The following WWOX variants were observed in gnomAD, a reference collection of about 807,000 sequenced individuals.
WWOX encodes the protein WW domain-containing oxidoreductase.
Under a neutral mutation model 46.2 loss-of-function variants are expected in WWOX, and 69 were observed. The observed-to-expected ratio is 1.49, with a 90% CI of 1.23 to 1.82. The LOEUF (loss-of-function observed/expected upper bound fraction) is 1.82, where lower values mean the gene tolerates loss of function less well. Ranked by LOEUF, WWOX falls within the 40% of genes most tolerant of loss-of-function variation. The probability of loss-of-function intolerance (pLI) is 0.00; values close to 1 mark genes in which losing one functional copy is unlikely to be tolerated. For missense variants in WWOX, 919 were observed against 542.6 expected (o/e 1.69, Z -6.89); for synonymous variants, 359 against 202.6 (o/e 1.77, Z -6.56).
chr16:78,783,776 ATGG>A (rs766313057), intron 8 of WWOX, among the ~76,000 whole-genome samples: 125 of 151,992 alleles, frequency 8.2e-4, no homozygotes, highest in African/African-American at 2.8e-3. Flanking sequence ...GATAATGCTG[ATGG>A]TGGTGATGGT....
intron 8 of WWOX, among the ~76,000 whole-genome samples, chr16:78,922,779 C>T (rs1018857116): frequency 6.6e-6 from 1 of 152,136 alleles, no homozygotes; most frequent in Admixed American, 6.5e-5. Flanking sequence ...TCACTCAAAC[C>T]ATAAAGCTCA....
chr16:78,621,592 C>CTTTTCTTTTTTTTTTTTT (rs2046184654), intron 8 of WWOX, among the ~76,000 whole-genome samples: 2 of 31,512 alleles, frequency 6.3e-5, no homozygotes, highest in African/African-American at 1.3e-4. Context: ...TTGTTCTAAT[C>CTTTTCTTTTTTTTTTTTT]TTTTTTTTTT....
At chr16:78,953,553 G>A (rs947110785) in intron 8 of WWOX, among the ~76,000 whole-genome samples, 7 of 152,114 alleles carry the variant, frequency 4.6e-5, no homozygotes, top group Non-Finnish European at 1.0e-4. Context: ...CAGAGTCATT[G>A]CCCCAGGGGA....
At chr16:78,509,859 A>G (rs2085314399) in intron 8 of WWOX, among the ~76,000 whole-genome samples, 1 of 151,742 alleles carries the variant, frequency 6.6e-6, no homozygotes, top group African/African-American at 2.4e-5. Flanking sequence ...AGGCCGAGGC[A>G]GGAGGATCAC....
chr16:78,761,078 C>T (rs1482963078), intron 8 of WWOX, among the ~76,000 whole-genome samples: 1 of 152,172 alleles, frequency 6.6e-6, no homozygotes, highest in African/African-American at 2.4e-5. Context: ...ATTATGGGAG[C>T]TACAATTCAA....
At chr16:78,268,998 A>T (rs958894764) in intron 5 of WWOX, 1 of 152,096 alleles carries the variant, frequency 6.6e-6, no homozygotes, top group Non-Finnish European at 1.5e-5. Context: ...CATATATAAG[A>T]TTTTGTTCTC....
At chr16:79,045,942 C>T (rs60355782) in intron 8 of WWOX, among the ~76,000 whole-genome samples, 2,549 of 151,878 alleles carry the variant, frequency 0.017, 81 homozygotes, top group African/African-American at 0.059. Flanking sequence ...GCTGGGACTA[C>T]AGGTGCACAC....
At chr16:78,988,575 C>T (rs1349669035) in intron 8 of WWOX, among the ~76,000 whole-genome samples, 1 of 152,048 alleles carries the variant, frequency 6.6e-6, no homozygotes. Flanking sequence ...ATAAACATCC[C>T]CGCCCCTTCA....
chr16:79,117,550 C>T (rs1277512453), intron 8 of WWOX, among the ~76,000 whole-genome samples: 3 of 152,202 alleles, frequency 2.0e-5, no homozygotes, highest in Non-Finnish European at 4.4e-5. Context: ...TCAGCCTGTG[C>T]TTCGCAGCTT....
At chr16:78,836,090 C>T (rs186318717) in intron 8 of WWOX, among the ~76,000 whole-genome samples, 16 of 152,218 alleles carry the variant, frequency 1.1e-4, no homozygotes, top group East Asian at 1.9e-4. Context: ...AGAAAGTGAC[C>T]TTGTATGCAC....
intron 8 of WWOX, among the ~76,000 whole-genome samples, chr16:78,461,022 T>C (rs1229553625): frequency 6.6e-6 from 1 of 152,132 alleles, no homozygotes. Flanking sequence ...ACTTGAAGAG[T>C]GGACATCTGA....
At chr16:78,594,989 G>C (rs2045452825) in intron 8 of WWOX, among the ~76,000 whole-genome samples, 1 of 152,224 alleles carries the variant, frequency 6.6e-6, no homozygotes, top group Non-Finnish European at 1.5e-5. Context: ...TACTGTTGAA[G>C]ACTTGTGGAA....
At chr16:78,578,970 C>T (rs1293605191) in intron 8 of WWOX, among the ~76,000 whole-genome samples, 2 of 152,162 alleles carry the variant, frequency 1.3e-5, no homozygotes, top group African/African-American at 4.8e-5. Flanking sequence ...TTTCAGAAAC[C>T]ACCACCACAA....
intron 8 of WWOX, among the ~76,000 whole-genome samples, chr16:79,011,410 C>T (rs2047304993): frequency 6.6e-6 from 1 of 150,672 alleles, no homozygotes; most frequent in African/African-American, 2.4e-5. Context: ...CTGAGAATTC[C>T]CTTGCATTTG....
chr16:78,952,057 C>T (rs1409338569), intron 8 of WWOX, among the ~76,000 whole-genome samples: 1 of 152,130 alleles, frequency 6.6e-6, no homozygotes, highest in African/African-American at 2.4e-5. Context: ...AAGACAGACC[C>T]CTAATCATAA....
At chr16:78,395,844 C>A (rs1270830402) in intron 6 of WWOX, among the ~76,000 whole-genome samples, 1 of 152,078 alleles carries the variant, frequency 6.6e-6, no homozygotes, top group Admixed American at 6.6e-5. Context: ...GGATGCTTCA[C>A]AGTTTTCTTT....
At chr16:78,324,398 T>G (rs2080562426) in intron 5 of WWOX, among the ~76,000 whole-genome samples, 1 of 152,006 alleles carries the variant, frequency 6.6e-6, no homozygotes, top group South Asian at 2.1e-4. Context: ...CCTCCAATAG[T>G]CAAGAGTTCC....
chr16:78,490,904 A>G (rs542707017), intron 8 of WWOX, among the ~76,000 whole-genome samples: 44 of 152,186 alleles, frequency 2.9e-4, no homozygotes, highest in Admixed American at 9.8e-4. Context: ...AGCTCATAAA[A>G]TGAAACTGGC....
intron 8 of WWOX, among the ~76,000 whole-genome samples, chr16:78,846,407 G>T (rs1395524318): frequency 2.0e-5 from 3 of 151,932 alleles, no homozygotes; most frequent in African/African-American, 7.3e-5. Flanking sequence ...GTCCCCTCTG[G>T]TCTGGGACAG....
Sources: allele counts gnomAD v4.1 joint callset (sites outside exome capture counted in the v4.1 genomes callset), GRCh38; gene constraint gnomAD v4.1.1; transcripts MANE v1.5; gene names NCBI Gene and HGNC (gene_info 2026-07-23, HGNC 2026-07-21).